The following WDPCP variants were observed in gnomAD, a reference collection of about 807,000 sequenced individuals.
WDPCP encodes WD repeat-containing and planar cell polarity effector protein fritz homolog.
A neutral mutation model predicts 93.1 loss-of-function variants in WDPCP; 71 were observed. The observed-to-expected ratio is 0.76, with a 90% CI of 0.63 to 0.93. The LOEUF is 0.93. WDPCP is among the 40% of genes least tolerant of loss of function. The probability of loss-of-function intolerance (pLI) is 0.00; values close to 1 mark genes in which losing one functional copy is unlikely to be tolerated. For synonymous variants in WDPCP, 315 were observed against 315.0 expected, an observed-to-expected ratio of 1.00 and a Z score of 0.00; for missense variants, 844 against 887.4, an observed-to-expected ratio of 0.95 and a Z score of 0.62.
intron 13 of WDPCP, among the ~76,000 whole-genome samples, chr2:63,275,994 C>T (rs1683061503): frequency 6.6e-6 from 1 of 152,192 alleles, no homozygotes; most frequent in African/African-American, 2.4e-5. Context: ...CTCCCTGAGA[C>T]ACTGAAAAAC....
In WDPCP at chr2:63,604,508, C is replaced by T. The variant is rs577349173; in HGVS notation, n.488+46151G>A. Among the ~76,000 whole-genome samples, 4 of 152,280 alleles carry T rather than the reference C, an allele frequency of 2.6e-5. 1 individual carries two copies. Among genetic ancestry groups the T allele is most frequent in the African/African-American group, 9.6e-5 (4 of 41,556 alleles). ...AAGGTTTCAAGTCCACAGTTGTTACCACTGTTAAGCTGTTGTAGGAAATTG... is the reference window on the plus strand; with the variant it reads ...AAGGTTTCAAGTCCACAGTTGTTACTACTGTTAAGCTGTTGTAGGAAATTG... On this transcript the variant is annotated intron_variant and non_coding_transcript_variant, in intron 3 of 4. Transcript: ENST00000467687.
intron 1 of WDPCP, among the ~76,000 whole-genome samples, chr2:63,564,821 A>T (rs560228201): frequency 1.2e-4 from 17 of 144,456 alleles, no homozygotes; most frequent in African/African-American, 4.2e-4. Flanking sequence ...TCTGTCGCCC[A>T]GGTTGGAGTG....
intron 1 of WDPCP, among the ~76,000 whole-genome samples, chr2:63,531,060 G>T (rs1413183036): frequency 6.6e-6 from 1 of 152,240 alleles, no homozygotes; most frequent in African/African-American, 2.4e-5. Context: ...TGGCTCGCCA[G>T]GTCCCACGCC....
intron 2 of WDPCP, chr2:63,711,367 T>G (rs904305781): frequency 2.0e-5 from 3 of 152,220 alleles, no homozygotes; most frequent in Non-Finnish European, 2.9e-5. Context: ...GCAAGTGGGT[T>G]CATAGGAGAG....
chr2:63,308,926 T>C (rs946300702), intron 13 of WDPCP, among the ~76,000 whole-genome samples: 5 of 152,158 alleles, frequency 3.3e-5, no homozygotes, highest in African/African-American at 1.2e-4. Flanking sequence ...CATGAAATAC[T>C]GTTCAGCCAT....
At chr2:63,622,520 C>T in intron 3 of WDPCP, 1 of 1,613,884 alleles carries the variant, frequency 6.2e-7, no homozygotes, top group Non-Finnish European at 8.5e-7. Flanking sequence ...CCACCATCAG[C>T]CGGGCGTGGT....
At chr2:63,144,217 C>G (rs1176521823) in intron 17 of WDPCP, among the ~76,000 whole-genome samples, 1 of 151,960 alleles carries the variant, frequency 6.6e-6, no homozygotes, top group Non-Finnish European at 1.5e-5. Context: ...CTTTCTTCTC[C>G]TTGTTCAATT....
chr2:63,373,944 T>C (rs1691624528), intron 12 of WDPCP, among the ~76,000 whole-genome samples: 1 of 152,176 alleles, frequency 6.6e-6, no homozygotes, highest in Admixed American at 6.5e-5. Flanking sequence ...TTCTGATTTA[T>C]ATGTTGTTAT....
At position 63,609,867 on chromosome 2, in the gene WDPCP, CTT is replaced by C. The variant is rs550093764; in HGVS notation, n.488+40790_488+40791del. On this transcript the variant is annotated intron_variant and non_coding_transcript_variant, in intron 3 of 4. Transcript: ENST00000467687. ...AGTCTGGGTGACAGAGCAAGATTGT[CTT>C]TTTAAAAAACAAAAGAAAATGTTAT... Among the ~76,000 whole-genome samples the C allele has an allele frequency of 2.6e-5, 4 of 152,162 alleles. No individual in the cohort carries two copies. The South Asian group carries it at 8.3e-4, about 32-fold the overall frequency.
intron 10 of WDPCP, among the ~76,000 whole-genome samples, chr2:63,396,019 G>A (rs992343138): frequency 3.9e-5 from 6 of 152,106 alleles, no homozygotes; most frequent in East Asian, 1.9e-4. Flanking sequence ...ATTAGCCACC[G>A]TGCCTGGCCT....
chr2:63,836,294 G>C, the WDPCP span, among the ~76,000 whole-genome samples: 1 of 152,140 alleles, frequency 6.6e-6, no homozygotes, highest in Middle Eastern at 3.2e-3. Flanking sequence ...TAATAAACTA[G>C]ACCAGAGGCA....
intron 2 of WDPCP, among the ~76,000 whole-genome samples, chr2:63,732,151 G>A (rs889153081): frequency 2.0e-5 from 3 of 152,188 alleles, no homozygotes; most frequent in South Asian, 2.1e-4. Context: ...CAGATGGGGG[G>A]AAATGAAAAG....
chr2:63,571,855 A>G (rs1442181555), intron 1 of WDPCP, among the ~76,000 whole-genome samples: 1 of 152,112 alleles, frequency 6.6e-6, no homozygotes, highest in Non-Finnish European at 1.5e-5. Context: ...TTATTTCAGC[A>G]CTGTTTCTAT....
chr2:63,483,165 G>A (rs979083055), intron 6 of WDPCP, among the ~76,000 whole-genome samples: 10 of 152,064 alleles, frequency 6.6e-5, no homozygotes, highest in Admixed American at 3.9e-4. Context: ...GGGTAAGGGT[G>A]GAGGCCATGA....
intron 7 of WDPCP, among the ~76,000 whole-genome samples, chr2:63,438,393 T>C (rs1457031798): frequency 6.6e-6 from 1 of 152,084 alleles, no homozygotes; most frequent in African/African-American, 2.4e-5. Flanking sequence ...ATTGTTACCA[T>C]GTTCCCATGA....
intron 6 of WDPCP, among the ~76,000 whole-genome samples, chr2:63,468,494 GCTT>G (rs1699495056): frequency 6.6e-6 from 1 of 152,198 alleles, no homozygotes; most frequent in Non-Finnish European, 1.5e-5. Flanking sequence ...TCTCTTAGCA[GCTT>G]CTTCTGTTGC....
chr2:63,166,448 C>G (rs1017502714), intron 15 of WDPCP, among the ~76,000 whole-genome samples: 5 of 151,594 alleles, frequency 3.3e-5, no homozygotes, highest in Non-Finnish European at 7.4e-5. Flanking sequence ...GCTCTGTCAC[C>G]CAGGCTGGAG....
At chr2:63,352,946 A>G (rs1301524132) in intron 12 of WDPCP, among the ~76,000 whole-genome samples, 1 of 152,224 alleles carries the variant, frequency 6.6e-6, no homozygotes, top group Non-Finnish European at 1.5e-5. Context: ...GCCCTTTCTA[A>G]TAAAAATTAG....
intron 2 of WDPCP, among the ~76,000 whole-genome samples, chr2:63,682,384 C>T (rs532458946): frequency 4.6e-5 from 7 of 152,108 alleles, no homozygotes; most frequent in Admixed American, 2.0e-4. Flanking sequence ...CTAAAATATG[C>T]AATAGGCATA....
Sources: allele counts gnomAD v4.1 joint callset (sites outside exome capture counted in the v4.1 genomes callset), GRCh38; gene constraint gnomAD v4.1.1; transcripts MANE v1.5; gene names NCBI Gene and HGNC (gene_info 2026-07-23, HGNC 2026-07-21).